XRCC4: variants seen among roughly 807,000 people sequenced by gnomAD.
XRCC4 encodes the protein DNA repair protein XRCC4.
A neutral mutation model predicts 39.1 loss-of-function variants in XRCC4; 28 were observed. That is an observed-to-expected ratio of 0.72 (90% CI 0.53 to 0.98). The LOEUF (loss-of-function observed/expected upper bound fraction) is 0.98, where lower values mean the gene tolerates loss of function less well. Ranked by LOEUF, XRCC4 falls within the 50% of genes least tolerant of loss-of-function variation. The pLI, the probability that XRCC4 is intolerant of heterozygous loss-of-function variation, is 0.00. For missense variants in XRCC4, 350 were observed against 376.4 expected, an observed-to-expected ratio of 0.93 and a Z score of 0.58; for synonymous variants, 123 against 126.4, an observed-to-expected ratio of 0.97 and a Z score of 0.18.
chr5:83,369,261 A>G, the XRCC4 span, among the ~76,000 whole-genome samples: 9 of 152,178 alleles, frequency 5.9e-5, no homozygotes, highest in African/African-American at 2.2e-4. Flanking sequence ...TTAAGCTTTT[A>G]TCATAGAATC....
At position 83,105,946 on chromosome 5, in the gene XRCC4, G is replaced by A. The variant is rs369029648; in HGVS notation, c.139+888G>A. ...GTAAAATTTTGTTTCTTTCTTGAGC[G>A]TTATGAATTATGTTATACAACACAG... On this transcript the variant is annotated intron_variant, in intron 2 of 7. Coordinates refer to ENST00000396027, the MANE Select transcript of XRCC4 (RefSeq NM_003401.5). Among the ~76,000 whole-genome samples, 79 of 151,934 alleles carry A rather than the reference G, an allele frequency of 5.2e-4. 1 individual carries two copies. Among genetic ancestry groups the A allele is most frequent in the African/African-American group, 1.3e-3 (54 of 41,444 alleles).
chr5:83,241,623 G>T (rs1752913089), intron 6 of XRCC4, among the ~76,000 whole-genome samples: 2 of 152,012 alleles, frequency 1.3e-5, no homozygotes, highest in South Asian at 4.2e-4. Context: ...GTTGATCCTT[G>T]TACAATGCAG....
rs528116730 is a variant in XRCC4, at chr5:83,091,249, G to C, written c.-11+13634G>C. ...CCCACAGTTCTGCATGGCTGTGGAG[G>C]CCTCAGGAAACTTACAATCATGGCA... On this transcript the variant is annotated intron_variant, in intron 1 of 7. Coordinates refer to ENST00000396027, the MANE Select transcript of XRCC4 (RefSeq NM_003401.5). 2.0e-5 allele frequency among the ~76,000 whole-genome samples: 3 copies of C among 152,274 alleles called. No homozygotes were observed. The South Asian group carries it at 6.2e-4, about 32-fold the overall frequency.
At chr5:83,228,655 A>G (rs1180271234) in intron 6 of XRCC4, among the ~76,000 whole-genome samples, 4 of 152,044 alleles carry the variant, frequency 2.6e-5, no homozygotes. Context: ...AAACAAAAAT[A>G]CCATCTGATA....
chr5:83,217,554 A>AT (rs762639231), intron 6 of XRCC4, among the ~76,000 whole-genome samples: 2 of 152,030 alleles, frequency 1.3e-5, no homozygotes, highest in Non-Finnish European at 2.9e-5. Context: ...TATTGCTTTG[A>AT]TAAATCCCTA....
intron 7 of XRCC4, chr5:83,258,903 C>T (rs966265388): frequency 1.8e-5 from 9 of 492,746 alleles, no homozygotes; most frequent in Non-Finnish European, 3.1e-5. Context: ...ATTTTTTTCT[C>T]ATGGTTTTTA....
intron 4 of XRCC4, among the ~76,000 whole-genome samples, chr5:83,199,038 G>A (rs868696014): frequency 6.6e-6 from 1 of 152,084 alleles, no homozygotes; most frequent in Non-Finnish European, 1.5e-5. Context: ...CTGAGTTATA[G>A]TTATTAAACC....
At position 83,155,129 on chromosome 5, in the gene XRCC4, T is replaced by C. The variant is rs539418536; in HGVS notation, c.316-40641T>C. On this transcript the variant is annotated intron_variant, in intron 3 of 7. Transcript: ENST00000396027. ...ACAAGCATATCTAATATTGTAATAA[T>C]CACATTTGGAAAATTAAGTTTGTTT... Among the ~76,000 whole-genome samples, 3 of 152,302 alleles carry C rather than the reference T, an allele frequency of 2.0e-5. No homozygotes were observed. The South Asian group carries it at 6.2e-4, about 32-fold the overall frequency.
intron 7 of XRCC4, among the ~76,000 whole-genome samples, chr5:83,326,081 C>G (rs1378196593): frequency 6.6e-6 from 1 of 151,960 alleles, no homozygotes; most frequent in Admixed American, 6.6e-5. Flanking sequence ...TGTCCTTTGC[C>G]CAGTTTTTAA....
intron 4 of XRCC4, chr5:83,201,945 G>A (rs112218000): frequency 0.077 from 11,634 of 151,996 alleles, 837 homozygotes; most frequent in African/African-American, 0.19. Flanking sequence ...GGGAGGCTGA[G>A]GCAGGCGAAT....
At chr5:83,215,475 T>C (rs1367956570) in intron 6 of XRCC4, among the ~76,000 whole-genome samples, 2 of 152,160 alleles carry the variant, frequency 1.3e-5, no homozygotes, top group Non-Finnish European at 2.9e-5. Flanking sequence ...ATATAGAATT[T>C]CAAGCAAGCA....
intron 6 of XRCC4, among the ~76,000 whole-genome samples, chr5:83,240,563 A>G (rs1419877562): frequency 6.6e-6 from 1 of 152,212 alleles, no homozygotes; most frequent in East Asian, 1.9e-4. Flanking sequence ...TAGTAAAGAT[A>G]GTAATCAAAA....
downstream of XRCC4, among the ~76,000 whole-genome samples, chr5:83,354,460 TATATGTACATACATATAC>T (rs1757166785): frequency 6.6e-6 from 1 of 152,244 alleles, no homozygotes; most frequent in Non-Finnish European, 1.5e-5. Flanking sequence ...AGCCAAATTT[TATATGTACATACATATAC>T]ATGGATATAC....
chr5:83,276,135 G>A (rs532449199), intron 7 of XRCC4, among the ~76,000 whole-genome samples: 1 of 152,222 alleles, frequency 6.6e-6, no homozygotes, highest in South Asian at 2.1e-4. Context: ...GTCTTTTCCT[G>A]GACTAGCGAT....
In XRCC4 at chr5:83,101,615, A is replaced by C. The variant is rs576286256; in HGVS notation, c.-10-3295A>C. Among the ~76,000 whole-genome samples the C allele has an allele frequency of 2.0e-5, 3 of 152,254 alleles. No individual in the cohort carries two copies. In the South Asian group the frequency reaches 6.2e-4, roughly 32 times the overall value. ...TCTTCTTACATTCTTGTGACTTGGA[A>C]ATATAAGTGGTGTTCCCACATAGTG... On this transcript the variant is annotated intron_variant, in intron 1 of 7. Coordinates refer to ENST00000396027, the MANE Select transcript of XRCC4 (RefSeq NM_003401.5).
intron 7 of XRCC4, among the ~76,000 whole-genome samples, chr5:83,342,886 C>A (rs1359251238): frequency 1.3e-5 from 2 of 151,976 alleles, no homozygotes; most frequent in Non-Finnish European, 2.9e-5. Flanking sequence ...AAAACTTTTC[C>A]ATTTAAGAAG....
chr5:83,183,438 G>GTGTGTGTA (rs1750293697), intron 3 of XRCC4, among the ~76,000 whole-genome samples: 1 of 151,326 alleles, frequency 6.6e-6, no homozygotes, highest in East Asian at 1.9e-4. Flanking sequence ...GTGTGTGTGT[G>GTGTGTGTA]TGTGTGTGTG....
chr5:83,320,384 A>C (rs1190792121), intron 7 of XRCC4, among the ~76,000 whole-genome samples: 1 of 150,106 alleles, frequency 6.7e-6, no homozygotes, highest in Non-Finnish European at 1.5e-5. Context: ...AAAAATAATA[A>C]AAAAATAAAA....
chr5:83,236,699 A>G (rs116040920), intron 6 of XRCC4, among the ~76,000 whole-genome samples: 6 of 152,212 alleles, frequency 3.9e-5, no homozygotes, highest in Non-Finnish European at 8.8e-5. Flanking sequence ...CAACCACAGT[A>G]AAAATGGACA....
Sources: allele counts gnomAD v4.1 joint callset (sites outside exome capture counted in the v4.1 genomes callset), GRCh38; gene constraint gnomAD v4.1.1; transcripts MANE v1.5; gene names NCBI Gene and HGNC (gene_info 2026-07-23, HGNC 2026-07-21).